MSRA: variants seen among roughly 807,000 people sequenced by gnomAD.
The protein encoded by MSRA is methionine sulfoxide reductase A, also known as mitochondrial peptide methionine sulfoxide reductase.
MSRA carries 54 observed loss-of-function variants against 31.3 expected under a neutral mutation model. That is an observed-to-expected ratio of 1.73 (90% CI 1.39 to 2.17). The LOEUF is 2.17. MSRA is among the 30% of genes most tolerant of loss of function. MSRA has a pLI of 0.00. For synonymous variants in MSRA, 169 were observed against 116.5 expected, an observed-to-expected ratio of 1.45 and a Z score of -2.90; for missense variants, 507 against 300.9, an observed-to-expected ratio of 1.69 and a Z score of -5.07.
intron 2 of MSRA, among the ~76,000 whole-genome samples, chr8:10,225,079 A>T (rs150397169): frequency 7.2e-5 from 11 of 152,310 alleles, no homozygotes; most frequent in Middle Eastern, 3.4e-3. Flanking sequence ...AGAGGTTGCA[A>T]TGAGCCGAGA....
intron 5 of MSRA, among the ~76,000 whole-genome samples, chr8:10,358,816 TCTC>T (rs1444846467): frequency 2.7e-5 from 4 of 148,622 alleles, no homozygotes; most frequent in Non-Finnish European, 5.9e-5. Context: ...ATGGTCTCGA[TCTC>T]CTGACCTCGT....
chr8:10,202,652 G>C (rs376054876), intron 1 of MSRA, among the ~76,000 whole-genome samples: 1 of 152,160 alleles, frequency 6.6e-6, no homozygotes, highest in African/African-American at 2.4e-5. Context: ...CATGGTCGTG[G>C]AGGGGAGGTG....
intron 1 of MSRA, among the ~76,000 whole-genome samples, chr8:10,152,716 A>G (rs1036295827): frequency 1.3e-5 from 2 of 152,230 alleles, no homozygotes; most frequent in Non-Finnish European, 2.9e-5. Context: ...TGAGTAACGC[A>G]CACTTCATGT....
chr8:10,214,265 G>T (rs957683396), intron 2 of MSRA, among the ~76,000 whole-genome samples: 1 of 152,156 alleles, frequency 6.6e-6, no homozygotes, highest in Admixed American at 6.5e-5. Flanking sequence ...GCCCGTGGCT[G>T]ACAGGAGCCC....
intron 5 of MSRA, among the ~76,000 whole-genome samples, chr8:10,343,143 A>C (rs1446810697): frequency 2.0e-5 from 3 of 152,104 alleles, no homozygotes; most frequent in African/African-American, 7.2e-5. Flanking sequence ...ACTTCTAGAA[A>C]TCATGACCAG....
chr8:10,065,079 A>G (rs138725391), intron 1 of MSRA, among the ~76,000 whole-genome samples: 1 of 152,062 alleles, frequency 6.6e-6, no homozygotes, highest in East Asian at 1.9e-4. Context: ...GCAGTTTACA[A>G]AGAGCCACCT....
chr8:10,137,029 C>G (rs915401663), intron 1 of MSRA, among the ~76,000 whole-genome samples: 5 of 152,154 alleles, frequency 3.3e-5, no homozygotes, highest in African/African-American at 9.7e-5. Context: ...TTGTCGAATT[C>G]TGCAGTAACC....
At position 10,320,003 on chromosome 8, in the gene MSRA, G is replaced by A; in HGVS notation, c.543+14G>A. ...AACTACCAAAAGGTAGGGATTGCTG[G>A]GCTCCTAGCCCCTGGCTTAGGCCAC... is the stretch of plus-strand genomic sequence containing the variant. On this transcript the variant is annotated intron_variant, in intron 5 of 5. Transcript: ENST00000317173. 2.5e-6 allele frequency: 4 copies of A among 1,576,782 alleles called. No homozygotes were observed. Among genetic ancestry groups the A allele is most frequent in the Non-Finnish European group, 3.5e-6 (4 of 1,156,446 alleles).
At chr8:10,419,472 G>T (rs1808681900) in intron 5 of MSRA, among the ~76,000 whole-genome samples, 1 of 152,188 alleles carries the variant, frequency 6.6e-6, no homozygotes, top group African/African-American at 2.4e-5. Flanking sequence ...GGGTTTCCTA[G>T]TGGGTAAAGT....
At chr8:10,121,381 T>C (rs1801096377) in intron 1 of MSRA, among the ~76,000 whole-genome samples, 1 of 152,190 alleles carries the variant, frequency 6.6e-6, no homozygotes, top group Admixed American at 6.5e-5. Context: ...ATTTTTGTCA[T>C]GGCCCCCACC....
chr8:10,284,246 T>C (rs1276595069), intron 3 of MSRA, among the ~76,000 whole-genome samples: 1 of 152,146 alleles, frequency 6.6e-6, no homozygotes, highest in Non-Finnish European at 1.5e-5. Context: ...TGGAGTGCAA[T>C]GGCACAATCT....
At chr8:10,225,013 C>T (rs1810869416) in intron 2 of MSRA, among the ~76,000 whole-genome samples, 1 of 152,162 alleles carries the variant, frequency 6.6e-6, no homozygotes, top group African/African-American at 2.4e-5. Flanking sequence ...TGGCGCATGC[C>T]TGTAATCCCA....
At chr8:10,250,224 C>T (rs1415651056) in intron 3 of MSRA, among the ~76,000 whole-genome samples, 4 of 152,240 alleles carry the variant, frequency 2.6e-5, no homozygotes, top group East Asian at 1.9e-4. Flanking sequence ...ATTCAGATTC[C>T]TGAATACTCT....
intron 3 of MSRA, among the ~76,000 whole-genome samples, chr8:10,283,836 T>TATATACACACACAC (rs1261287031): frequency 2.4e-4 from 13 of 53,158 alleles, no homozygotes; most frequent in South Asian, 9.9e-4. Context: ...TATATATATA[T>TATATACACACACAC]ACACACACAC....
chr8:10,311,809 C>G (rs989470349), intron 4 of MSRA, among the ~76,000 whole-genome samples: 12 of 152,030 alleles, frequency 7.9e-5, no homozygotes, highest in African/African-American at 2.2e-4. Context: ...CCCAGCTACT[C>G]AGGAGTTTGA....
At chr8:10,148,801 C>CAAA (rs372289649) in intron 1 of MSRA, among the ~76,000 whole-genome samples, 1 of 89,134 alleles carries the variant, frequency 1.1e-5, no homozygotes. Flanking sequence ...GACCCTGTCG[C>CAAA]AAAAAAAAAA....
In MSRA at chr8:10,054,613, C is replaced by T. The variant is rs1212484223; in HGVS notation, c.97C>T (p.Pro33Ser). The change falls in exon 1 of 6, where the codon CCC (proline) becomes TCC (serine). Residue 33 changes from proline to serine, a missense_variant. Physicochemically the swap from Pro to Ser is moderately conservative, Grantham distance 74 (BLOSUM62 -1). Coordinates refer to ENST00000317173, the MANE Select transcript of MSRA (RefSeq NM_012331.5). Reference protein sequence around the residue: ...MGNSASNIVSPQEALPGRKEQ... With the variant: ...MGNSASNIVSSQEALPGRKEQ... ...CAACTCGGCCTCGAACATCGTCAGC[C>T]CCCAGGAGGCCTTGCCGGGCCGGAA... is the stretch of plus-strand genomic sequence containing the variant. 8.2e-6 allele frequency: 13 copies of T among 1,577,602 alleles called. No individual in the cohort carries two copies. The highest frequency in any genetic ancestry group is 5.4e-5 in the Admixed American group (3 of 56,060).
intron 1 of MSRA, among the ~76,000 whole-genome samples, chr8:10,070,703 A>G (rs766935928): frequency 2.9e-4 from 44 of 152,156 alleles, no homozygotes; most frequent in Non-Finnish European, 5.3e-4. Context: ...CCTGTTCTCC[A>G]TTGCTGTTAT....
chr8:10,229,709 A>T (rs142322933), intron 2 of MSRA, among the ~76,000 whole-genome samples: 5 of 152,156 alleles, frequency 3.3e-5, no homozygotes, highest in Non-Finnish European at 7.3e-5. Context: ...TAGATGAGAA[A>T]AAAAAGGGTT....
Sources: allele counts gnomAD v4.1 joint callset (sites outside exome capture counted in the v4.1 genomes callset), GRCh38; gene constraint gnomAD v4.1.1; transcripts MANE v1.5; gene names NCBI Gene and HGNC (gene_info 2026-07-23, HGNC 2026-07-21).